PPARGC1A: variants seen among roughly 807,000 people sequenced by gnomAD.
PPARGC1A encodes the protein peroxisome proliferator-activated receptor gamma coactivator 1-alpha.
PPARGC1A carries 25 observed loss-of-function variants against 88.7 expected under a neutral mutation model. That is an observed-to-expected ratio of 0.28 (90% CI 0.21 to 0.39). The LOEUF (loss-of-function observed/expected upper bound fraction) is 0.39, where lower values mean the gene tolerates loss of function less well. Among genes scored for constraint, PPARGC1A ranks in the 10% least tolerant of loss-of-function variants. The probability of loss-of-function intolerance (pLI) is 1.00; values close to 1 mark genes in which losing one functional copy is unlikely to be tolerated. For missense variants in PPARGC1A, 880 were observed against 968.7 expected (o/e 0.91, Z 1.22); for synonymous variants, 363 against 355.6 (o/e 1.02, Z -0.24).
chr4:24,123,387 T>C, the PPARGC1A span, among the ~76,000 whole-genome samples: 1 of 152,160 alleles, frequency 6.6e-6, no homozygotes, highest in South Asian at 2.1e-4. Context: ...CTCCCTTGTT[T>C]TACACAGTTG....
At chr4:23,995,492 CA>C in the PPARGC1A span, among the ~76,000 whole-genome samples, 1 of 152,168 alleles carries the variant, frequency 6.6e-6, no homozygotes, top group Non-Finnish European at 1.5e-5. Flanking sequence ...AGATAGAATT[CA>C]AATTCCCTCA....
chr4:24,005,088 A>G, the PPARGC1A span, among the ~76,000 whole-genome samples: 2 of 152,208 alleles, frequency 1.3e-5, no homozygotes, highest in Admixed American at 6.5e-5. Flanking sequence ...CAGGTCCTTG[A>G]AGAAATATCC....
intron 2 of PPARGC1A, among the ~76,000 whole-genome samples, chr4:23,874,162 T>C (rs1162647613): frequency 9.9e-5 from 15 of 152,230 alleles, no homozygotes; most frequent in African/African-American, 3.1e-4. Flanking sequence ...TTCATGCTTG[T>C]TGAACTGATC....
the PPARGC1A span, among the ~76,000 whole-genome samples, chr4:24,261,580 T>C: frequency 5.2e-5 from 8 of 152,388 alleles, no homozygotes; most frequent in South Asian, 1.7e-3. Context: ...TTATTCTGTG[T>C]GGTCCAACAA....
chr4:24,310,457 A>G, the PPARGC1A span, among the ~76,000 whole-genome samples: 1 of 152,278 alleles, frequency 6.6e-6, no homozygotes, highest in East Asian at 1.9e-4. Context: ...AAGAGGAGCA[A>G]TTTTATGGTT....
At chr4:24,234,892 A>C in the PPARGC1A span, among the ~76,000 whole-genome samples, 1 of 152,212 alleles carries the variant, frequency 6.6e-6, no homozygotes, top group South Asian at 2.1e-4. Context: ...ATAGTCCTCT[A>C]TTACAAGTAT....
the PPARGC1A span, among the ~76,000 whole-genome samples, chr4:24,229,802 G>A: frequency 4.9e-4 from 72 of 147,930 alleles, no homozygotes; most frequent in Non-Finnish European, 7.6e-4. Context: ...CCAAGATGGC[G>A]TCATTGCATT....
At chr4:24,423,105 A>G in the PPARGC1A span, among the ~76,000 whole-genome samples, 1 of 152,152 alleles carries the variant, frequency 6.6e-6, no homozygotes, top group Non-Finnish European at 1.5e-5. Context: ...AGACACAAAA[A>G]CATTTGAATT....
At chr4:23,949,440 C>T in the PPARGC1A span, among the ~76,000 whole-genome samples, 4 of 152,122 alleles carry the variant, frequency 2.6e-5, no homozygotes, top group Admixed American at 2.6e-4. Flanking sequence ...CAGCAACATC[C>T]CCCATATGGC....
chr4:23,922,628 G>A, the PPARGC1A span, among the ~76,000 whole-genome samples: 3 of 152,160 alleles, frequency 2.0e-5, no homozygotes, highest in African/African-American at 7.2e-5. Flanking sequence ...GTTTCTGCTG[G>A]CATCTTAGCT....
the PPARGC1A span, among the ~76,000 whole-genome samples, chr4:24,421,187 T>C: frequency 6.6e-6 from 1 of 152,172 alleles, no homozygotes; most frequent in South Asian, 2.1e-4. Flanking sequence ...GACATCCAGT[T>C]GTATTTGAAT....
At chr4:24,109,036 C>CACACA in the PPARGC1A span, among the ~76,000 whole-genome samples, 59 of 128,666 alleles carry the variant, frequency 4.6e-4, no homozygotes, top group African/African-American at 1.8e-3. Context: ...CACACACACA[C>CACACA]CACACACACA....
chr4:23,942,414 T>C, the PPARGC1A span, among the ~76,000 whole-genome samples: 1 of 152,216 alleles, frequency 6.6e-6, no homozygotes, highest in African/African-American at 2.4e-5. Context: ...TGGCTGTCAA[T>C]ACTCTAAGAA....
chr4:23,851,980 G>A (rs533172935), intron 2 of PPARGC1A, among the ~76,000 whole-genome samples: 9 of 152,238 alleles, frequency 5.9e-5, no homozygotes, highest in South Asian at 2.1e-4. Flanking sequence ...TCTAACAAGC[G>A]TCCAGGTAAT....
chr4:24,297,395 C>T, the PPARGC1A span, among the ~76,000 whole-genome samples: 1 of 152,118 alleles, frequency 6.6e-6, no homozygotes. Context: ...CGGAAATGTA[C>T]TTTCAAAGCA....
chr4:24,154,329 T>G, the PPARGC1A span, among the ~76,000 whole-genome samples: 2 of 152,186 alleles, frequency 1.3e-5, no homozygotes, highest in Non-Finnish European at 2.9e-5. Context: ...CCCCACAGGA[T>G]CTGGACATGA....
the PPARGC1A span, among the ~76,000 whole-genome samples, chr4:24,006,026 TTTTG>T: frequency 2.0e-5 from 3 of 151,894 alleles, no homozygotes; most frequent in Non-Finnish European, 2.9e-5. Context: ...TTGTTTTTGG[TTTTG>T]TTTTTGTGTT....
chr4:23,935,832 A>G, the PPARGC1A span, among the ~76,000 whole-genome samples: 4 of 152,092 alleles, frequency 2.6e-5, no homozygotes, highest in Non-Finnish European at 5.9e-5. Context: ...TAACTGTTTC[A>G]TTATCCTAAC....
At chr4:23,899,085 C>CA (rs1480167333) in intron 1 of PPARGC1A, among the ~76,000 whole-genome samples, 1 of 8,598 alleles carries the variant, frequency 1.2e-4, no homozygotes, top group South Asian at 2.9e-3. Flanking sequence ...GATGATCCAC[C>CA]CCCCCCCGGC....
Sources: gnomAD v4.1 joint callset for allele counts (sites outside exome capture counted in the v4.1 genomes callset) on GRCh38, gnomAD v4.1.1 for gene constraint, MANE v1.5 for transcripts, NCBI Gene and HGNC (gene_info 2026-07-23, HGNC 2026-07-21) for gene names.